CDH13: variants seen among roughly 807,000 people sequenced by gnomAD.
CDH13 encodes the protein cadherin 13.
Under a neutral mutation model 63.8 loss-of-function variants are expected in CDH13, and 24 were observed. The observed-to-expected ratio is 0.38, with a 90% CI of 0.27 to 0.53. CDH13 has a LOEUF of 0.53. CDH13 is among the 20% of genes least tolerant of loss of function. The probability of loss-of-function intolerance (pLI) is 0.85; values close to 1 mark genes in which losing one functional copy is unlikely to be tolerated. For missense variants in CDH13, 1,049 were observed against 903.1 expected (o/e 1.16, Z -2.07); for synonymous variants, 503 against 355.3 (o/e 1.42, Z -4.67).
At chr16:83,029,877 A>G (rs35379386) in intron 2 of CDH13, among the ~76,000 whole-genome samples, 15,913 of 152,178 alleles carry the variant, frequency 0.1, 922 homozygotes, top group African/African-American at 0.15. Flanking sequence ...TTAAAGGTTT[A>G]CTAAACAAAT....
intron 1 of CDH13, among the ~76,000 whole-genome samples, chr16:82,633,319 A>C (rs755526004): frequency 7.9e-5 from 12 of 152,230 alleles, no homozygotes; most frequent in Non-Finnish European, 1.5e-4. Context: ...GCCTCCGGGA[A>C]CACTGCTCTA....
intron 4 of CDH13, among the ~76,000 whole-genome samples, chr16:83,133,781 G>T (rs1206711427): frequency 1.3e-5 from 2 of 152,172 alleles, no homozygotes; most frequent in African/African-American, 4.8e-5. Context: ...TTACAGGTGT[G>T]ACCCACTGAG....
At chr16:82,800,717 T>C (rs987863679) in intron 1 of CDH13, among the ~76,000 whole-genome samples, 1 of 152,170 alleles carries the variant, frequency 6.6e-6, no homozygotes, top group Non-Finnish European at 1.5e-5. Context: ...CACCTCATTA[T>C]AGAAAAGAGA....
chr16:83,716,163 G>A (rs1437486311), intron 10 of CDH13, among the ~76,000 whole-genome samples: 1 of 152,060 alleles, frequency 6.6e-6, no homozygotes, highest in Non-Finnish European at 1.5e-5. Context: ...AAGGTACAGG[G>A]AGTTCTCACA....
intron 4 of CDH13, among the ~76,000 whole-genome samples, chr16:83,188,765 G>A (rs929415930): frequency 6.6e-6 from 1 of 152,198 alleles, no homozygotes; most frequent in Non-Finnish European, 1.5e-5. Context: ...AATTGAGGTG[G>A]TTAGGATTAA....
At chr16:82,914,592 G>A (rs941982681) in intron 2 of CDH13, among the ~76,000 whole-genome samples, 8 of 152,132 alleles carry the variant, frequency 5.3e-5, no homozygotes, top group African/African-American at 1.9e-4. Context: ...TTTTCAAAAG[G>A]TAAAGAGAAA....
intron 3 of CDH13, among the ~76,000 whole-genome samples, chr16:83,039,098 G>A (rs1917117299): frequency 6.6e-6 from 1 of 152,190 alleles, no homozygotes; most frequent in Non-Finnish European, 1.5e-5. Flanking sequence ...CAAAGCAAAA[G>A]TCTCCCATGG....
At chr16:83,098,114 A>G (rs1441559663) in intron 3 of CDH13, among the ~76,000 whole-genome samples, 1 of 152,222 alleles carries the variant, frequency 6.6e-6, no homozygotes, top group African/African-American at 2.4e-5. Flanking sequence ...CAAAGAGGAA[A>G]TAATCTTTGA....
intron 4 of CDH13, among the ~76,000 whole-genome samples, chr16:83,215,943 G>A (rs754371333): frequency 6.6e-6 from 1 of 152,020 alleles, no homozygotes; most frequent in Non-Finnish European, 1.5e-5. Context: ...TTCCACTTAT[G>A]CCAATAATAG....
At chr16:83,695,735 A>G (rs1197987245) in intron 10 of CDH13, among the ~76,000 whole-genome samples, 2 of 152,250 alleles carry the variant, frequency 1.3e-5, no homozygotes, top group African/African-American at 4.8e-5. Flanking sequence ...AACTAAATAG[A>G]AAGTCTAGAA....
intron 7 of CDH13, among the ~76,000 whole-genome samples, chr16:83,557,805 T>A (rs982978288): frequency 9.2e-5 from 14 of 152,054 alleles, no homozygotes; most frequent in Admixed American, 9.2e-4. Context: ...ATTTCAGACT[T>A]CCCCAGCCAC....
intron 4 of CDH13, among the ~76,000 whole-genome samples, chr16:83,172,121 T>A (rs1486336209): frequency 6.6e-6 from 1 of 151,982 alleles, no homozygotes; most frequent in Non-Finnish European, 1.5e-5. Flanking sequence ...GAGTAGACCC[T>A]AGTATAATAT....
chr16:82,877,158 A>G (rs564846063), intron 2 of CDH13, among the ~76,000 whole-genome samples: 2 of 152,230 alleles, frequency 1.3e-5, no homozygotes, highest in Non-Finnish European at 2.9e-5. Flanking sequence ...GCCTCAAGCA[A>G]TTTAAGATAG....
chr16:82,935,803 A>AGGTC (rs2151301600), intron 2 of CDH13, among the ~76,000 whole-genome samples: 1 of 152,214 alleles, frequency 6.6e-6, no homozygotes, highest in South Asian at 2.1e-4. Flanking sequence ...AGGAAAATTT[A>AGGTC]GGTCATGGAC....
chr16:83,004,457 G>A (rs1042939607), intron 2 of CDH13, among the ~76,000 whole-genome samples: 2 of 152,112 alleles, frequency 1.3e-5, no homozygotes, highest in Non-Finnish European at 2.9e-5. Flanking sequence ...GGGCAGCAAG[G>A]TAACTCTTCT....
intron 3 of CDH13, among the ~76,000 whole-genome samples, chr16:83,113,941 A>G (rs74030708): frequency 6.6e-6 from 1 of 152,118 alleles, no homozygotes; most frequent in South Asian, 2.1e-4. Flanking sequence ...GGAAGCCTAT[A>G]TACCCTGTAG....
At chr16:83,630,272 A>G (rs556514306) in intron 8 of CDH13, among the ~76,000 whole-genome samples, 1 of 152,348 alleles carries the variant, frequency 6.6e-6, no homozygotes, top group African/African-American at 2.4e-5. Context: ...TTTTGATGCT[A>G]TGAACCTAAA....
chr16:83,646,882 C>G (rs561781283), intron 8 of CDH13, among the ~76,000 whole-genome samples: 4 of 151,966 alleles, frequency 2.6e-5, no homozygotes, highest in Non-Finnish European at 2.9e-5. Flanking sequence ...GCAACTCCCC[C>G]CTTTCCCCTT....
At chr16:83,706,596 A>G (rs1907094542) in intron 10 of CDH13, among the ~76,000 whole-genome samples, 1 of 152,172 alleles carries the variant, frequency 6.6e-6, no homozygotes, top group Admixed American at 6.5e-5. Context: ...AATGACTGTG[A>G]TTGCTGACTG....
Sources: allele counts gnomAD v4.1 joint callset (sites outside exome capture counted in the v4.1 genomes callset), GRCh38; gene constraint gnomAD v4.1.1; transcripts MANE v1.5; gene names NCBI Gene and HGNC (gene_info 2026-07-23, HGNC 2026-07-21).